The following SYN3 variants were observed in gnomAD, a reference collection of about 807,000 sequenced individuals.
SYN3 encodes the protein synapsin III.
In SYN3, 35 loss-of-function variants were observed where a neutral mutation model predicts 65.8. The observed-to-expected ratio is 0.53, with a 90% CI of 0.41 to 0.70. SYN3 has a LOEUF of 0.70. Among genes scored for constraint, SYN3 ranks in the 30% least tolerant of loss-of-function variants. SYN3 has a pLI of 0.00. For missense variants in SYN3, 680 were observed against 749.0 expected, an observed-to-expected ratio of 0.91 and a Z score of 1.08; for synonymous variants, 270 against 292.9, an observed-to-expected ratio of 0.92 and a Z score of 0.80.
At chr22:32,677,564 C>T (rs984404212) in intron 6 of SYN3, among the ~76,000 whole-genome samples, 4 of 152,054 alleles carry the variant, frequency 2.6e-5, no homozygotes, top group African/African-American at 9.7e-5. Context: ...TTTGGGAGGC[C>T]AAGGCGGGTG....
At chr22:32,764,030 C>T (rs1478131064) in intron 6 of SYN3, among the ~76,000 whole-genome samples, 2 of 151,586 alleles carry the variant, frequency 1.3e-5, no homozygotes, top group African/African-American at 4.8e-5. Flanking sequence ...CTCTGCCTCC[C>T]GGATTCAAGT....
intron 6 of SYN3, among the ~76,000 whole-genome samples, chr22:32,812,427 A>G (rs2046939588): frequency 6.6e-6 from 1 of 152,232 alleles, no homozygotes; most frequent in Admixed American, 6.5e-5. Flanking sequence ...TTTGCCAAAC[A>G]GACAGCAACC....
At chr22:32,839,386 C>T (rs1205177590) in intron 6 of SYN3, among the ~76,000 whole-genome samples, 6 of 152,118 alleles carry the variant, frequency 3.9e-5, no homozygotes, top group Non-Finnish European at 8.8e-5. Context: ...CACCTGACAG[C>T]CATTTGCAGA....
intron 4 of SYN3, among the ~76,000 whole-genome samples, chr22:32,917,843 T>C (rs1262471535): frequency 6.6e-6 from 1 of 152,258 alleles, no homozygotes; most frequent in African/African-American, 2.4e-5. Context: ...ACACTGCCTC[T>C]TTCTTGTGCT....
intron 3 of SYN3, among the ~76,000 whole-genome samples, chr22:32,939,703 CT>C (rs901956843): frequency 2.3e-4 from 35 of 152,130 alleles, no homozygotes; most frequent in African/African-American, 8.2e-4. Context: ...TTTTTAATTT[CT>C]GTGTAGTATT....
At chr22:32,520,532 CTT>C (rs1478203207) in intron 12 of SYN3, among the ~76,000 whole-genome samples, 4 of 152,170 alleles carry the variant, frequency 2.6e-5, no homozygotes, top group African/African-American at 4.8e-5. Flanking sequence ...ACCTAGATCT[CTT>C]TGACTCAAAA....
chr22:32,967,524 T>C (rs1446448742), intron 3 of SYN3, among the ~76,000 whole-genome samples: 1 of 152,240 alleles, frequency 6.6e-6, no homozygotes, highest in Non-Finnish European at 1.5e-5. Context: ...CAGGAGACTC[T>C]GCTTAGAGTG....
intron 8 of SYN3, among the ~76,000 whole-genome samples, chr22:32,538,738 A>G (rs1239917046): frequency 6.6e-6 from 1 of 151,866 alleles, no homozygotes; most frequent in Non-Finnish European, 1.5e-5. Flanking sequence ...TTCAGGTTTC[A>G]TCTGACATAC....
chr22:32,909,127 T>C (rs1193861710), intron 4 of SYN3, among the ~76,000 whole-genome samples: 1 of 152,176 alleles, frequency 6.6e-6, no homozygotes, highest in African/African-American at 2.4e-5. Context: ...GAAGGACGCA[T>C]GGGCACCCAT....
intron 6 of SYN3, among the ~76,000 whole-genome samples, chr22:32,652,697 G>A (rs1170913229): frequency 6.6e-6 from 1 of 152,166 alleles, no homozygotes; most frequent in Non-Finnish European, 1.5e-5. Flanking sequence ...GTCAGAGGAA[G>A]TGATGTCAGA....
chr22:32,797,595 A>G (rs1158199412), intron 6 of SYN3, among the ~76,000 whole-genome samples: 1 of 152,182 alleles, frequency 6.6e-6, no homozygotes, highest in Admixed American at 6.5e-5. Flanking sequence ...AGGTGAACGC[A>G]TAACTACACT....
chr22:32,553,779 G>A (rs2058450602), intron 7 of SYN3, among the ~76,000 whole-genome samples: 1 of 152,216 alleles, frequency 6.6e-6, no homozygotes, highest in Non-Finnish European at 1.5e-5. Flanking sequence ...AACTGGTGCT[G>A]ATCCCTAGGG....
At chr22:32,615,572 T>C (rs1037287251) in intron 6 of SYN3, among the ~76,000 whole-genome samples, 3 of 144,608 alleles carry the variant, frequency 2.1e-5, no homozygotes, top group African/African-American at 7.9e-5. Context: ...CTGGAGGAGG[T>C]GGGAAAAGTC....
rs759939816 is a variant in SYN3 at position 32,528,925 on chromosome 22, C to T, written c.1179G>A (p.Met393Ile). Residue 393 changes from methionine (M) to isoleucine (I), a missense_variant, in exon 11 of 14, where the codon ATG becomes ATA. Transcript: ENST00000358763. ...TGCCTCCTGGCATCGGGAGCTGGCT[C>T]ATTTTGGAGACAACAAGGTCGGCCA... ...QLMADLVVSKMSQLPMPGGTA... is the reference protein window; with the variant it reads ...QLMADLVVSKISQLPMPGGTA... The T allele has an allele frequency of 1.1e-5, 18 of 1,614,042 alleles. No individual in the cohort carries two copies. The South Asian group carries it at 1.8e-4, about 16-fold the overall frequency.
At chr22:32,542,063 G>A (rs534871231) in intron 7 of SYN3, among the ~76,000 whole-genome samples, 1 of 152,306 alleles carries the variant, frequency 6.6e-6, no homozygotes, top group East Asian at 1.9e-4. Context: ...GCACAGACTC[G>A]CTGATGGGGG....
chr22:32,819,925 A>G (rs770531120), intron 6 of SYN3, among the ~76,000 whole-genome samples: 1 of 152,134 alleles, frequency 6.6e-6, no homozygotes, highest in Non-Finnish European at 1.5e-5. Context: ...TCTCGCAACC[A>G]TAGTTTTCTG....
chr22:32,890,290 G>T (rs1345012910), intron 4 of SYN3, among the ~76,000 whole-genome samples: 4 of 151,610 alleles, frequency 2.6e-5, no homozygotes, highest in Non-Finnish European at 5.9e-5. Flanking sequence ...GCCCAGGCTG[G>T]TCTCAAACTC....
intron 3 of SYN3, among the ~76,000 whole-genome samples, chr22:32,969,165 A>C (rs2051938561): frequency 6.6e-6 from 1 of 152,214 alleles, no homozygotes; most frequent in African/African-American, 2.4e-5. Context: ...CCAGTGCAAG[A>C]GGATGGACTC....
intron 6 of SYN3, among the ~76,000 whole-genome samples, chr22:32,682,961 C>G (rs1022910511): frequency 2.0e-5 from 3 of 152,290 alleles, no homozygotes; most frequent in Middle Eastern, 3.4e-3. Flanking sequence ...CATAGGGCAC[C>G]TGAAGCCAGG....
Sources: allele counts gnomAD v4.1 joint callset (sites outside exome capture counted in the v4.1 genomes callset), GRCh38; gene constraint gnomAD v4.1.1; transcripts MANE v1.5; gene names NCBI Gene and HGNC (gene_info 2026-07-23, HGNC 2026-07-21).